Variants in PCDHGB2 observed in about 807,000 individuals in gnomAD.
PCDHGB2 encodes the protein protocadherin gamma subfamily B, 2, also known as protocadherin gamma-B2.
Under a neutral mutation model 59.3 loss-of-function variants are expected in PCDHGB2, and 55 were observed. The observed-to-expected ratio is 0.93, with a 90% CI of 0.75 to 1.16. The LOEUF is 1.16. PCDHGB2 is among the 50% of genes most tolerant of loss of function. The probability of loss-of-function intolerance (pLI) is 0.00; values close to 1 mark genes in which losing one functional copy is unlikely to be tolerated. For missense variants in PCDHGB2, 1,228 were observed against 1,198.5 expected (o/e 1.02, Z -0.36); for synonymous variants, 516 against 512.0 (o/e 1.01, Z -0.11).
intron 1 of PCDHGB2, chr5:141,478,429 G>C: frequency 6.2e-7 from 1 of 1,613,674 alleles, no homozygotes; most frequent in Non-Finnish European, 8.5e-7. Flanking sequence ...GCAGCGACCC[G>C]CTGCTGAAGA....
chr5:141,421,782 C>A, intron 1 of PCDHGB2: 1 of 1,613,878 alleles, frequency 6.2e-7, no homozygotes, highest in Non-Finnish European at 8.5e-7. Context: ...AACTGCGGGG[C>A]AGAACGGATG....
intron 1 of PCDHGB2, chr5:141,376,199 G>A: frequency 6.2e-7 from 1 of 1,614,162 alleles, no homozygotes; most frequent in Non-Finnish European, 8.5e-7. Flanking sequence ...CGTCTTCCTG[G>A]CCTTCGTCAT....
At chr5:141,370,350 A>C in intron 1 of PCDHGB2, 1 of 1,496,328 alleles carries the variant, frequency 6.7e-7, no homozygotes, top group Non-Finnish European at 9.0e-7. Context: ...TTATTTAAAG[A>C]TCTCCTCTCC....
intron 1 of PCDHGB2, among the ~76,000 whole-genome samples, chr5:141,373,098 C>A (rs1402463048): frequency 6.6e-6 from 1 of 152,208 alleles, no homozygotes; most frequent in African/African-American, 2.4e-5. Flanking sequence ...CTGTCATTTT[C>A]AGACATATCT....
At chr5:141,399,979 C>A (rs1402446986) in intron 1 of PCDHGB2, 5 of 1,612,154 alleles carry the variant, frequency 3.1e-6, no homozygotes, top group Non-Finnish European at 4.2e-6. Context: ...CCTGGGGCTG[C>A]GCACAGGAGA....
intron 1 of PCDHGB2, among the ~76,000 whole-genome samples, chr5:141,438,655 T>C (rs1436221152): frequency 7.1e-6 from 1 of 140,042 alleles, no homozygotes; most frequent in Non-Finnish European, 1.5e-5. Flanking sequence ...CACACACATA[T>C]ATGTATATAT....
intron 1 of PCDHGB2, chr5:141,366,634 G>C (rs1349897930): frequency 1.9e-6 from 3 of 1,614,220 alleles, no homozygotes; most frequent in Middle Eastern, 1.6e-4. Context: ...AGAGTCACCT[G>C]ATCTTTCCCC....
chr5:141,426,768 G>A (rs2096959269), intron 1 of PCDHGB2: 1 of 456,516 alleles, frequency 2.2e-6, no homozygotes, highest in Non-Finnish European at 4.4e-6. Flanking sequence ...TGCAGATGTA[G>A]GGCCTCACTC....
intron 1 of PCDHGB2, among the ~76,000 whole-genome samples, chr5:141,467,008 A>AT (rs1165146249): frequency 6.7e-6 from 1 of 150,270 alleles, no homozygotes; most frequent in Non-Finnish European, 1.5e-5. Context: ...TTGCAATGCA[A>AT]TTTTTTTCCC....
chr5:141,478,213 C>A (rs2099439229), intron 1 of PCDHGB2: 1 of 1,614,000 alleles, frequency 6.2e-7, no homozygotes, highest in Non-Finnish European at 8.5e-7. Context: ...TTTCTCTAAT[C>A]CTGGTTTCTG....
In PCDHGB2 at chr5:141,362,028, C is replaced by T. The variant is rs749282896; in HGVS notation, c.1893C>T (p.Ala631=). The stretch of plus-strand genomic sequence containing the variant: ...CGGGTGAGGTGCGCACAGCGCGTGC[C>T]TTGGGCGACAGGGACGCGGCCCGCC... The part of the protein sequence containing the change: ...LRTGEVRTAR[A]LGDRDAARQR... Residue 631 remains alanine (A), a synonymous_variant, in exon 1 of 4, where the codon GCC becomes GCT. Transcript: ENST00000522605. 1 of 1,608,888 alleles carries T rather than the reference C, an allele frequency of 6.2e-7. No homozygotes were observed. Among genetic ancestry groups the T allele is most frequent in the East Asian group, 2.2e-5 (1 of 44,840 alleles).
intron 1 of PCDHGB2, among the ~76,000 whole-genome samples, chr5:141,453,357 C>T (rs1027586816): frequency 1.3e-5 from 2 of 152,002 alleles, no homozygotes; most frequent in Admixed American, 6.6e-5. Flanking sequence ...TGACCCTGAA[C>T]TCCTGGGGTC....
At chr5:141,421,965 C>A in intron 1 of PCDHGB2, 1 of 1,610,360 alleles carries the variant, frequency 6.2e-7, no homozygotes, top group Non-Finnish European at 8.5e-7. Context: ...TTACACAGTC[C>A]GTATATCGCG....
chr5:141,439,289 T>C (rs1454088176), intron 1 of PCDHGB2, among the ~76,000 whole-genome samples: 1 of 151,850 alleles, frequency 6.6e-6, no homozygotes, highest in African/African-American at 2.4e-5. Flanking sequence ...CTGTGTTCCA[T>C]GGAAAAAGTA....
At chr5:141,510,158 A>G (rs1406170246) in intron 3 of PCDHGB2, among the ~76,000 whole-genome samples, 1 of 152,018 alleles carries the variant, frequency 6.6e-6, no homozygotes, top group African/African-American at 2.4e-5. Flanking sequence ...CTGTAATCTC[A>G]GCTACTCAGG....
chr5:141,452,652 C>T (rs1420422511), intron 1 of PCDHGB2, among the ~76,000 whole-genome samples: 1 of 151,916 alleles, frequency 6.6e-6, no homozygotes. Flanking sequence ...TCATTTGCTC[C>T]ATCCACTGCA....
At chr5:141,401,900 AATT>A (rs1215744256) in intron 1 of PCDHGB2, among the ~76,000 whole-genome samples, 1 of 152,196 alleles carries the variant, frequency 6.6e-6, no homozygotes, top group Non-Finnish European at 1.5e-5. Flanking sequence ...CTTTTTCCCA[AATT>A]ATTATATAAG....
intron 1 of PCDHGB2, chr5:141,427,524 C>T (rs1421119651): frequency 1.6e-6 from 1 of 610,726 alleles, no homozygotes; most frequent in South Asian, 1.5e-5. Flanking sequence ...GGAGCGGATC[C>T]CGGAGTACAA....
chr5:141,379,295 G>A (rs928710321), intron 1 of PCDHGB2: 3 of 152,044 alleles, frequency 2.0e-5, no homozygotes, highest in African/African-American at 7.2e-5. Context: ...AGTTTCCAAA[G>A]GTATATACCT....
Sources: allele counts gnomAD v4.1 joint callset (sites outside exome capture counted in the v4.1 genomes callset), GRCh38; gene constraint gnomAD v4.1.1; transcripts MANE v1.5; gene names NCBI Gene and HGNC (gene_info 2026-07-23, HGNC 2026-07-21).